PCDH7: variants seen among roughly 807,000 people sequenced by gnomAD.
PCDH7 encodes the protein protocadherin-7.
In PCDH7, 17 loss-of-function variants were observed where a neutral mutation model predicts 58.9. That is an observed-to-expected ratio of 0.29 (90% CI 0.20 to 0.43). PCDH7 has a LOEUF of 0.43. Ranked by LOEUF, PCDH7 falls within the 20% of genes least tolerant of loss-of-function variation. The pLI, the probability that PCDH7 is intolerant of heterozygous loss-of-function variation, is 1.00. For missense variants in PCDH7, 1,274 were observed against 1,441.0 expected (o/e 0.88, Z 1.88); for synonymous variants, 664 against 616.4 (o/e 1.08, Z -1.14).
intron 3 of PCDH7, among the ~76,000 whole-genome samples, chr4:31,072,048 A>T (rs1758587012): frequency 6.6e-6 from 1 of 152,056 alleles, no homozygotes; most frequent in African/African-American, 2.4e-5. Flanking sequence ...TTTGGAAGAC[A>T]GTGTTGGAGT....
At chr4:31,059,683 G>A (rs1423209985) in intron 3 of PCDH7, among the ~76,000 whole-genome samples, 1 of 151,664 alleles carries the variant, frequency 6.6e-6, no homozygotes, top group African/African-American at 2.4e-5. Context: ...ATTTAGTGAA[G>A]GACAGTTGAG....
intron 3 of PCDH7, among the ~76,000 whole-genome samples, chr4:31,021,880 T>C (rs1754048673): frequency 1.3e-5 from 2 of 152,130 alleles, no homozygotes; most frequent in Middle Eastern, 3.2e-3. Context: ...TTATTTTCTT[T>C]TGGAAATAAA....
intron 3 of PCDH7, among the ~76,000 whole-genome samples, chr4:30,984,223 T>C (rs1246177047): frequency 1.3e-5 from 2 of 152,226 alleles, no homozygotes; most frequent in African/African-American, 2.4e-5. Context: ...AGTTTTTATA[T>C]AAAATCTTGC....
At chr4:30,924,446 G>C (rs1217143054) in intron 2 of PCDH7, among the ~76,000 whole-genome samples, 2 of 152,208 alleles carry the variant, frequency 1.3e-5, no homozygotes, top group South Asian at 4.1e-4. Context: ...TAGTAAGATA[G>C]TGAGTGAATT....
intron 3 of PCDH7, among the ~76,000 whole-genome samples, chr4:30,972,784 A>G (rs1749710963): frequency 6.6e-6 from 1 of 152,096 alleles, no homozygotes; most frequent in South Asian, 2.1e-4. Flanking sequence ...GTCCATCTCA[A>G]CTGTACCCCA....
intron 3 of PCDH7, among the ~76,000 whole-genome samples, chr4:31,128,699 C>T (rs915150269): frequency 1.3e-5 from 2 of 152,074 alleles, no homozygotes; most frequent in African/African-American, 2.4e-5. Context: ...TAGAATTTTC[C>T]CATTGGACTT....
At chr4:30,847,139 T>TAA (rs569982144) in intron 1 of PCDH7, among the ~76,000 whole-genome samples, 3 of 147,788 alleles carry the variant, frequency 2.0e-5, no homozygotes, top group Non-Finnish European at 4.5e-5. Context: ...AATAAATAAG[T>TAA]AAAAAAAAAA....
chr4:31,126,986 A>G (rs985569408), intron 3 of PCDH7, among the ~76,000 whole-genome samples: 1 of 152,224 alleles, frequency 6.6e-6, no homozygotes, highest in Non-Finnish European at 1.5e-5. Flanking sequence ...AAGTGAATTC[A>G]TTGCTCACAT....
chr4:30,898,971 A>G (rs1416025742), intron 1 of PCDH7, among the ~76,000 whole-genome samples: 2 of 152,030 alleles, frequency 1.3e-5, no homozygotes, highest in Admixed American at 1.3e-4. Flanking sequence ...AAGTCAATTT[A>G]GTGGATCTTA....
chr4:31,067,438 C>T (rs6850016), intron 3 of PCDH7, among the ~76,000 whole-genome samples: 1 of 149,606 alleles, frequency 6.7e-6, no homozygotes, highest in East Asian at 2.0e-4. Context: ...CTGGGATCTG[C>T]AAGACTTTAC....
intron 3 of PCDH7, among the ~76,000 whole-genome samples, chr4:30,992,793 CTTTTTTTTTTT>C (rs577504420): frequency 1.0e-5 from 1 of 95,666 alleles, no homozygotes; most frequent in Non-Finnish European, 2.0e-5. Flanking sequence ...CTGTCCCATT[CTTTTTTTTTTT>C]TTTTTTTTTT....
chr4:31,068,246 G>C (rs1758248532), intron 3 of PCDH7, among the ~76,000 whole-genome samples: 1 of 151,378 alleles, frequency 6.6e-6, no homozygotes, highest in Non-Finnish European at 1.5e-5. Flanking sequence ...AAGGCATGGA[G>C]TAGATGGGAA....
chr4:31,030,180 GGA>G (rs1754780801), intron 3 of PCDH7, among the ~76,000 whole-genome samples: 1 of 88,706 alleles, frequency 1.1e-5, no homozygotes, highest in South Asian at 3.5e-4. Flanking sequence ...TGTGTGTATG[GGA>G]GTGGTGTTCA....
At chr4:31,010,392 C>A (rs1340339642) in intron 3 of PCDH7, among the ~76,000 whole-genome samples, 4 of 151,756 alleles carry the variant, frequency 2.6e-5, no homozygotes, top group African/African-American at 9.7e-5. Context: ...TTTGCCTTTC[C>A]CTCCTTAGCT....
intron 3 of PCDH7, among the ~76,000 whole-genome samples, chr4:31,092,801 T>C (rs984221864): frequency 6.6e-6 from 1 of 152,072 alleles, no homozygotes; most frequent in Admixed American, 6.6e-5. Flanking sequence ...CCATTTGCAC[T>C]GATAATGTTT....
chr4:30,788,366 G>A, intron 1 of PCDH7, among the ~76,000 whole-genome samples: 1 of 151,774 alleles, frequency 6.6e-6, no homozygotes, highest in East Asian at 1.9e-4. Flanking sequence ...TTTTTATCTT[G>A]CCGATTGACT....
At chr4:31,103,428 C>T (rs1198797947) in intron 3 of PCDH7, among the ~76,000 whole-genome samples, 3 of 152,046 alleles carry the variant, frequency 2.0e-5, no homozygotes, top group African/African-American at 7.2e-5. Context: ...CAACCTCCAC[C>T]TCCCAGTTCA....
chr4:30,971,554 C>T (rs1749585534), intron 3 of PCDH7, among the ~76,000 whole-genome samples: 1 of 152,148 alleles, frequency 6.6e-6, no homozygotes, highest in Non-Finnish European at 1.5e-5. Context: ...AATTGCAGAT[C>T]CCTGGGCTGC....
At chr4:31,064,905 A>G (rs1390210734) in intron 3 of PCDH7, among the ~76,000 whole-genome samples, 1 of 152,050 alleles carries the variant, frequency 6.6e-6, no homozygotes, top group Non-Finnish European at 1.5e-5. Context: ...TTTAGTTCAT[A>G]TATTATTTCA....
Sources: gnomAD v4.1 joint callset for allele counts (sites outside exome capture counted in the v4.1 genomes callset) on GRCh38, gnomAD v4.1.1 for gene constraint, MANE v1.5 for transcripts, NCBI Gene and HGNC (gene_info 2026-07-23, HGNC 2026-07-21) for gene names.